AKT3: variants seen among roughly 807,000 people sequenced by gnomAD.
The protein encoded by AKT3 is RAC-gamma serine/threonine-protein kinase.
In AKT3, 15 loss-of-function variants were observed where a neutral mutation model predicts 65.3. The observed-to-expected ratio is 0.23, with a 90% CI of 0.15 to 0.35. AKT3 has a LOEUF of 0.35. Among genes scored for constraint, AKT3 ranks in the 10% least tolerant of loss-of-function variants. The probability of loss-of-function intolerance (pLI) is 1.00; values close to 1 mark genes in which losing one functional copy is unlikely to be tolerated. For synonymous variants in AKT3, 206 were observed against 183.8 expected (o/e 1.12, Z -0.98); for missense variants, 243 against 576.5 (o/e 0.42, Z 5.92).
At chr1:243,676,589 T>G (rs2147959998) in intron 3 of AKT3, among the ~76,000 whole-genome samples, 1 of 152,244 alleles carries the variant, frequency 6.6e-6, no homozygotes, top group South Asian at 2.1e-4. Context: ...TCCAAAAGGG[T>G]TTTGTTTTTG....
At chr1:243,769,746 T>A (rs1413744323) in intron 2 of AKT3, among the ~76,000 whole-genome samples, 2 of 152,232 alleles carry the variant, frequency 1.3e-5, no homozygotes, top group East Asian at 3.8e-4. Flanking sequence ...TCTTTTCACT[T>A]TCTTAAAAAT....
At chr1:243,635,696 T>C (rs1679924297) in intron 6 of AKT3, among the ~76,000 whole-genome samples, 1 of 151,984 alleles carries the variant, frequency 6.6e-6, no homozygotes, top group African/African-American at 2.4e-5. Flanking sequence ...TGATTACTTA[T>C]GAATGGAAAA....
chr1:243,606,211 T>C (rs1319714047), intron 8 of AKT3, among the ~76,000 whole-genome samples: 1 of 152,154 alleles, frequency 6.6e-6, no homozygotes, highest in Non-Finnish European at 1.5e-5. Flanking sequence ...GCTGTAAAGA[T>C]ACCCAAAAAT....
chr1:243,522,365 T>C (rs1670772013), intron 12 of AKT3, among the ~76,000 whole-genome samples: 1 of 152,204 alleles, frequency 6.6e-6, no homozygotes, highest in East Asian at 1.9e-4. Context: ...TATAAAAGCC[T>C]ATATATGTAA....
At chr1:243,526,844 GA>G (rs1361454666) in intron 12 of AKT3, among the ~76,000 whole-genome samples, 1 of 93,732 alleles carries the variant, frequency 1.1e-5, no homozygotes, top group African/African-American at 4.1e-5. Flanking sequence ...TATTCCAGAC[GA>G]AAACATGGAT....
chr1:243,711,395 C>T (rs972367928), intron 2 of AKT3, among the ~76,000 whole-genome samples: 1 of 152,082 alleles, frequency 6.6e-6, no homozygotes, highest in Non-Finnish European at 1.5e-5. Context: ...TACCATACAT[C>T]CGAAATACTT....
chr1:243,734,757 T>C (rs1285960968), intron 2 of AKT3, among the ~76,000 whole-genome samples: 5 of 152,374 alleles, frequency 3.3e-5, no homozygotes, highest in South Asian at 4.1e-4. Context: ...CAGCTTACTA[T>C]AACTTTTTTA....
At chr1:243,797,201 T>C (rs1692077773) in intron 2 of AKT3, among the ~76,000 whole-genome samples, 1 of 151,216 alleles carries the variant, frequency 6.6e-6, no homozygotes, top group African/African-American at 2.4e-5. Flanking sequence ...AAAATAAGAG[T>C]TATCTCTTCA....
intron 2 of AKT3, among the ~76,000 whole-genome samples, chr1:243,823,901 A>G (rs1694002386): frequency 6.6e-6 from 1 of 152,220 alleles, no homozygotes; most frequent in African/African-American, 2.4e-5. Flanking sequence ...TAATAAGAAA[A>G]AACTACTTTA....
At chr1:243,558,839 C>G (rs1163216743) in intron 10 of AKT3, among the ~76,000 whole-genome samples, 1 of 152,046 alleles carries the variant, frequency 6.6e-6, no homozygotes, top group Non-Finnish European at 1.5e-5. Flanking sequence ...TCTGCTGGTA[C>G]ATTTGAGGAC....
intron 2 of AKT3, among the ~76,000 whole-genome samples, chr1:243,804,026 A>C (rs1269116709): frequency 6.6e-6 from 1 of 152,234 alleles, no homozygotes; most frequent in Admixed American, 6.5e-5. Flanking sequence ...AAACAGAGCC[A>C]GCCCACACAG....
At chr1:243,642,516 A>T (rs112846283) in intron 5 of AKT3, among the ~76,000 whole-genome samples, 5 of 152,010 alleles carry the variant, frequency 3.3e-5, no homozygotes, top group Non-Finnish European at 7.4e-5. Context: ...TCACCGTGTT[A>T]GCCAGGATGG....
intron 6 of AKT3, among the ~76,000 whole-genome samples, chr1:243,620,685 T>C (rs1052205131): frequency 6.6e-6 from 1 of 152,172 alleles, no homozygotes; most frequent in Non-Finnish European, 1.5e-5. Context: ...TTGATTTCTA[T>C]TCCTTTTTTT....
At chr1:243,521,854 A>C (rs574845942) in intron 12 of AKT3, among the ~76,000 whole-genome samples, 1 of 152,352 alleles carries the variant, frequency 6.6e-6, no homozygotes, top group East Asian at 1.9e-4. Flanking sequence ...AATCCCCAGA[A>C]ACTGGAACTT....
intron 6 of AKT3, among the ~76,000 whole-genome samples, chr1:243,620,973 A>G (rs1678704728): frequency 6.6e-6 from 1 of 152,156 alleles, no homozygotes; most frequent in South Asian, 2.1e-4. Context: ...AAATTTACAC[A>G]AACATATTGA....
At chr1:243,497,954 T>G (rs548863921), downstream of AKT3, among the ~76,000 whole-genome samples, 69 of 152,348 alleles carry the variant, frequency 4.5e-4, no homozygotes, top group African/African-American at 1.6e-3. Flanking sequence ...AGCACTGGGA[T>G]TACAGGTGTG....
At position 243,795,016 on chromosome 1, in the gene AKT3, G is replaced by A. The variant is rs1041390892; in HGVS notation, c.46+48109C>T. Among the ~76,000 whole-genome samples the A allele has an allele frequency of 4.6e-5, 7 of 152,132 alleles. No individual in the cohort carries two copies. The South Asian group carries it at 6.2e-4, about 14-fold the overall frequency. ...ATGTGTTCACTATCATTTAAGTGGGGAAGGAAATACATGTCTTCTCTGATA... is the reference window on the plus strand; with the variant it reads ...ATGTGTTCACTATCATTTAAGTGGGAAAGGAAATACATGTCTTCTCTGATA... On this transcript the variant is annotated intron_variant, in intron 2 of 13. Coordinates refer to ENST00000673466, the MANE Select transcript of AKT3 (RefSeq NM_005465.7).
chr1:243,527,864 T>C (rs1671216623), intron 12 of AKT3, among the ~76,000 whole-genome samples: 2 of 129,360 alleles, frequency 1.5e-5, no homozygotes, highest in Non-Finnish European at 3.1e-5. Context: ...AGACTCCATC[T>C]CTTAAAACAC....
intron 12 of AKT3, among the ~76,000 whole-genome samples, chr1:243,541,579 C>A (rs1672324431): frequency 6.6e-6 from 1 of 152,148 alleles, no homozygotes; most frequent in Non-Finnish European, 1.5e-5. Flanking sequence ...AAACCCAGAT[C>A]TGGCTGCTAG....
Sources: allele counts gnomAD v4.1 joint callset (sites outside exome capture counted in the v4.1 genomes callset), GRCh38; gene constraint gnomAD v4.1.1; transcripts MANE v1.5; gene names NCBI Gene and HGNC (gene_info 2026-07-23, HGNC 2026-07-21).